Variants in CLIP1 observed in about 807,000 individuals in gnomAD.
CLIP1 encodes CAP-Gly domain containing linker protein 1, also known as CAP-Gly domain-containing linker protein 1.
CLIP1 carries 66 observed loss-of-function variants against 161.6 expected under a neutral mutation model. The observed-to-expected ratio is 0.41, with a 90% confidence interval of 0.33 to 0.50. CLIP1 has a LOEUF of 0.50. CLIP1 is among the 20% of genes least tolerant of loss of function. CLIP1 has a pLI of 0.27. For synonymous variants in CLIP1, 598 were observed against 626.2 expected, an observed-to-expected ratio of 0.96 and a Z score of 0.67; for missense variants, 1,376 against 1,702.0, an observed-to-expected ratio of 0.81 and a Z score of 3.37.
chr12:122,309,799 A>G lies in CLIP1; in HGVS notation c.3557T>C (p.Leu1186Pro). 6.2e-7 allele frequency: 1 copy of G among 1,613,282 alleles called. No individual in the cohort carries two copies. Among genetic ancestry groups the G allele is most frequent in the South Asian group, 1.1e-5 (1 of 91,046 alleles). ...TGTGACTTCGTCCCTGCTTCTCCCC[A>G]GCTCCTCAGCAAGTTTAACGTTCTC... ...QEENVKLAEE[L>P]GRSRDEVTSH... Residue 1186 changes from leucine to proline, a missense_variant, in exon 20 of 26, where the codon CTG becomes CCG. Coordinates refer to ENST00000620786, the MANE Select transcript of CLIP1 (RefSeq NM_001247997.2).
chr12:122,376,611 C>T (rs1302655740), intron 3 of CLIP1, among the ~76,000 whole-genome samples: 2 of 151,462 alleles, frequency 1.3e-5, no homozygotes, highest in Non-Finnish European at 2.9e-5. Context: ...GGACTACAGG[C>T]GCATGCCACC....
Position 122,355,388 on chromosome 12 carries a change from G to C in CLIP1, c.1006-76C>G. On this transcript the variant is annotated intron_variant, in intron 5 of 25. Transcript: ENST00000620786. This position sits in a 1 kb window ranked among gnomAD's most constrained non-coding sequence, Gnocchi z 4.1. ...GAGGGAGGCGCGATGCATGCATGGC[G>C]GGCATCTGCTCGGCAAAGCAAGGGC... 2 of 1,359,276 alleles carry C rather than the reference G, an allele frequency of 1.5e-6. No homozygotes were observed. Among genetic ancestry groups the C allele is most frequent in the Non-Finnish European group, 2.1e-6 (2 of 968,500 alleles). The allele number at this position is 1,359,276 out of a possible 1,614,324, so 84.2% of individuals were successfully genotyped here.
At chr12:122,419,368 CAA>C (rs530430022) in intron 1 of CLIP1, among the ~76,000 whole-genome samples, 9 of 117,148 alleles carry the variant, frequency 7.7e-5, no homozygotes, top group African/African-American at 2.2e-4. Flanking sequence ...GACTCTGTCT[CAA>C]AAAAAAAAAA....
chr12:122,356,112 C>G (rs534689999), intron 5 of CLIP1: 34 of 152,336 alleles, frequency 2.2e-4, no homozygotes, highest in African/African-American at 7.2e-4. Context: ...ATTACTTAAA[C>G]ATACCAGGAA....
chr12:122,311,984 T>C lies in CLIP1; in HGVS notation c.3474-2102A>G, dbSNP rs564806260. 2.0e-4 allele frequency among the ~76,000 whole-genome samples: 31 copies of C among 152,304 alleles called. No individual in the cohort carries two copies. Among genetic ancestry groups the C allele is most frequent in the Non-Finnish European group, 3.8e-4 (26 of 68,024 alleles). ...GTGGGTAGTGGGTGAATCCATTTCATAGAGGAAAGAGGCTCCAATAACCCA... is the reference window on the plus strand; with the variant it reads ...GTGGGTAGTGGGTGAATCCATTTCACAGAGGAAAGAGGCTCCAATAACCCA... On this transcript the variant is annotated intron_variant, in intron 19 of 25. Coordinates refer to ENST00000620786, the MANE Select transcript of CLIP1 (RefSeq NM_001247997.2). This position sits in a 1 kb window ranked among gnomAD's most constrained non-coding sequence, Gnocchi z 4.3.
intron 19 of CLIP1, among the ~76,000 whole-genome samples, chr12:122,316,000 T>TC: frequency 1.3e-5 from 2 of 152,002 alleles, no homozygotes; most frequent in Middle Eastern, 6.8e-3. Flanking sequence ...TTGATTTTTT[T>TC]CCCCCTATAA....
At chr12:122,345,916 G>C (rs1952725811) in intron 10 of CLIP1, among the ~76,000 whole-genome samples, 1 of 151,910 alleles carries the variant, frequency 6.6e-6, no homozygotes, top group Non-Finnish European at 1.5e-5. Context: ...CTCCCTAGTA[G>C]CTGGGATTAC....
intron 11 of CLIP1, among the ~76,000 whole-genome samples, chr12:122,339,257 C>T (rs996121777): frequency 6.6e-6 from 1 of 152,176 alleles, no homozygotes; most frequent in African/African-American, 2.4e-5. Context: ...CAGAAAAAAA[C>T]TCCAATGAGA....
intron 1 of CLIP1, chr12:122,395,431 C>A (rs1308955746): frequency 6.6e-6 from 1 of 152,114 alleles, no homozygotes; most frequent in African/African-American, 2.4e-5. Context: ...CAGCTCATAT[C>A]CTGCCAGAAG....
intron 1 of CLIP1, among the ~76,000 whole-genome samples, chr12:122,401,095 G>A (rs1054446804): frequency 6.6e-6 from 1 of 152,066 alleles, no homozygotes; most frequent in Non-Finnish European, 1.5e-5. Flanking sequence ...ATTTTTAGTA[G>A]AGACAAGGTT....
At chr12:122,305,794 G>A (rs544101802) in intron 20 of CLIP1, among the ~76,000 whole-genome samples, 27 of 152,088 alleles carry the variant, frequency 1.8e-4, no homozygotes, top group Admixed American at 1.1e-3. Context: ...ATGGCTGAGC[G>A]CAGTGGCTCA....
At chr12:122,293,002 C>CAAAAAAAAAAAAAAAAAAAAAAAAA (rs57326141) in intron 20 of CLIP1, among the ~76,000 whole-genome samples, 3 of 43,572 alleles carry the variant, frequency 6.9e-5, no homozygotes, top group African/African-American at 3.4e-4. Context: ...GACTCTGTCT[C>CAAAAAAAAAAAAAAAAAAAAAAAAA]AAAAAAAAAA....
chr12:122,273,758 G>T (rs1450613898), intron 25 of CLIP1, among the ~76,000 whole-genome samples: 1 of 151,862 alleles, frequency 6.6e-6, no homozygotes, highest in Non-Finnish European at 1.5e-5. Context: ...TTGAGACAGG[G>T]TCTTGCTCTG....
At chr12:122,352,597 C>G (rs564707325) in intron 8 of CLIP1, 129 bp downstream of exon 8, 9 of 816,152 alleles carry the variant, frequency 1.1e-5, no homozygotes, top group Admixed American at 2.0e-5. Context: ...ACAAAGCCAC[C>G]CCCAGAACCT....
chr12:122,348,410 C>T (rs1952849989), intron 9 of CLIP1, among the ~76,000 whole-genome samples: 3 of 152,114 alleles, frequency 2.0e-5, no homozygotes, highest in Admixed American at 6.6e-5. Context: ...TTTTTATTAG[C>T]TCAGACATAA....
Position 122,271,934 on chromosome 12 carries a change from A to G in CLIP1, c.*941T>C, listed in dbSNP as rs202056842. The G allele has an allele frequency of 6.8e-6, 1 of 146,936 alleles. No individual in the cohort carries two copies. Among genetic ancestry groups the G allele is most frequent in the African/African-American group, 2.8e-5 (1 of 36,142 alleles). The allele number at this position is 146,936 out of a possible 1,614,324, so 9.1% of individuals were successfully genotyped here. ...GACTGCTGGGGATACCTGCCAGAGAAGGAAAAAAAAATTGGAGAAAATTCC... is the reference window on the plus strand; with the variant it reads ...GACTGCTGGGGATACCTGCCAGAGAGGGAAAAAAAAATTGGAGAAAATTCC... On this transcript the variant is annotated 3_prime_UTR_variant, in exon 26 of 26. Transcript: ENST00000620786.
chr12:122,278,990 G>A (rs1445109905), intron 22 of CLIP1, 38 bp downstream of exon 22: 2 of 1,605,990 alleles, frequency 1.2e-6, no homozygotes, highest in South Asian at 1.1e-5. Context: ...ACGAAAGGAG[G>A]CCGCGTGAAA....
chr12:122,364,734 C>G, intron 3 of CLIP1: 1 of 601,286 alleles, frequency 1.7e-6, no homozygotes, highest in Non-Finnish European at 3.2e-6. Context: ...AGAAATGTTC[C>G]TGCTTCGCCT....
intron 3 of CLIP1, chr12:122,365,272 T>C (rs1954084158): frequency 1.6e-6 from 1 of 636,726 alleles, no homozygotes; most frequent in Non-Finnish European, 2.8e-6. Flanking sequence ...AAAGGTGATA[T>C]TGTAGACATC....
Sources: allele counts gnomAD v4.1 joint callset (sites outside exome capture counted in the v4.1 genomes callset), GRCh38; gene constraint gnomAD v4.1.1; non-coding constraint Gnocchi (gnomAD v3.1); transcripts MANE v1.5; gene names NCBI Gene and HGNC (gene_info 2026-07-23, HGNC 2026-07-21).